The following MCF2L2 variants were observed in gnomAD, a reference collection of about 807,000 sequenced individuals.
MCF2L2 encodes the protein probable guanine nucleotide exchange factor MCF2L2.
In MCF2L2, 102 loss-of-function variants were observed where a neutral mutation model predicts 150.2. The ratio of observed to expected loss-of-function variants is 0.68; its 90% confidence interval spans 0.58 to 0.80. The LOEUF (loss-of-function observed/expected upper bound fraction) is 0.80, where lower values mean the gene tolerates loss of function less well. MCF2L2 is among the 30% of genes least tolerant of loss of function. MCF2L2 has a pLI of 0.00. For missense variants in MCF2L2, 1,256 were observed against 1,372.8 expected (o/e 0.91, Z 1.34); for synonymous variants, 465 against 491.3 (o/e 0.95, Z 0.71).
At chr3:183,387,931 CAAAAAAA>C (rs61024469) in intron 2 of MCF2L2, among the ~76,000 whole-genome samples, 2 of 72,402 alleles carry the variant, frequency 2.8e-5, no homozygotes, top group African/African-American at 6.3e-5. Flanking sequence ...GACTCCATCT[CAAAAAAA>C]AAAAAAAAAA....
chr3:183,402,201 T>C (rs1271694939), intron 1 of MCF2L2, among the ~76,000 whole-genome samples: 35 of 151,794 alleles, frequency 2.3e-4, no homozygotes, highest in Non-Finnish European at 7.4e-5. Flanking sequence ...CCCAGCACTT[T>C]GGGAGGCCGA....
At chr3:183,248,042 T>C (rs2108689694) in intron 15 of MCF2L2, among the ~76,000 whole-genome samples, 1 of 152,378 alleles carries the variant, frequency 6.6e-6, no homozygotes, top group South Asian at 2.1e-4. Flanking sequence ...TTCCCTGCCC[T>C]GTGCCCCTTT....
rs750078863 is a variant in MCF2L2, at chr3:183,206,172, T to C, written c.2755A>G (p.Arg919Gly). The C allele has an allele frequency of 1.1e-5, 18 of 1,614,188 alleles. No individual in the cohort carries two copies. Among genetic ancestry groups the C allele is most frequent in the East Asian group, 2.2e-5 (1 of 44,876 alleles). Residue 919 changes from arginine (R) to glycine (G), a missense_variant, in exon 24 of 30, where the codon AGA becomes GGA. Arg to Gly is a moderately radical substitution (Grantham distance 125). Transcript: ENST00000328913. ...SIRQLGRGSH[R>G]KFEIASRNGL... ...TTTCGACTGGCAATCTCAAACTTTC[T>C]ATGGCTCCCCCTTCCAAGCTGGCGA...
At chr3:183,323,509 C>T (rs547952464) in intron 5 of MCF2L2, among the ~76,000 whole-genome samples, 158 bp from the exon 6 acceptor site, 5 of 151,862 alleles carry the variant, frequency 3.3e-5, no homozygotes, top group Non-Finnish European at 5.9e-5. Flanking sequence ...AAAATGGTTA[C>T]AGCCAAGCAC....
chr3:183,297,005 A>G lies in MCF2L2; in HGVS notation c.1468T>C (p.Phe490Leu). 1 of 1,613,786 alleles carries G rather than the reference A, an allele frequency of 6.2e-7. No homozygotes were observed. Among genetic ancestry groups the G allele is most frequent in the Non-Finnish European group, 8.5e-7 (1 of 1,179,914 alleles). ...LLSPKEFYNE[F>L]ELLLTLDAKA... ...GCATCGAGGGTGAGCAGCAACTCAA[A>G]CTCGTTGTAAAACTCCTTGGGGCTG... The change falls in exon 12 of 30, where the codon TTT (phenylalanine) becomes CTT (leucine). Residue 490 changes from phenylalanine (F) to leucine (L), a missense_variant. By Grantham distance (22) the Phe-to-Leu change is conservative. Coordinates refer to ENST00000328913, the MANE Select transcript of MCF2L2 (RefSeq NM_015078.4).
intron 15 of MCF2L2, chr3:183,273,387 C>G (rs1726953564): frequency 5.3e-6 from 1 of 190,160 alleles, no homozygotes. Flanking sequence ...GAAAAATTAT[C>G]ATGAGATGTG....
chr3:183,194,483 A>G (rs1260152879), intron 26 of MCF2L2, among the ~76,000 whole-genome samples: 1 of 152,220 alleles, frequency 6.6e-6, no homozygotes, highest in Admixed American at 6.5e-5. Context: ...CTCAGCAGCC[A>G]GAGGGGAAGC....
chr3:183,217,845 G>A (rs1334253507), intron 21 of MCF2L2, among the ~76,000 whole-genome samples: 1 of 152,160 alleles, frequency 6.6e-6, no homozygotes, highest in African/African-American at 2.4e-5. Flanking sequence ...ACTAATTAAA[G>A]AGACCAATGT....
chr3:183,411,832 C>T (rs1262873400), intron 1 of MCF2L2, among the ~76,000 whole-genome samples: 1 of 152,160 alleles, frequency 6.6e-6, no homozygotes, highest in Non-Finnish European at 1.5e-5. Context: ...AGTTGTTTAA[C>T]ATTCAAGATC....
At chr3:183,365,942 A>G (rs542106945) in intron 3 of MCF2L2, among the ~76,000 whole-genome samples, 1 of 152,304 alleles carries the variant, frequency 6.6e-6, no homozygotes, top group South Asian at 2.1e-4. Context: ...ATAACGCAAA[A>G]ACATGAATAG....
intron 22 of MCF2L2, 141 bp downstream of exon 22, chr3:183,215,828 C>A (rs1722890223): frequency 2.1e-6 from 2 of 965,896 alleles, no homozygotes; most frequent in Admixed American, 2.9e-5. Flanking sequence ...TGCGGGTTTA[C>A]TGAGCAATTT....
At chr3:183,216,402 C>A (rs1328025194) in intron 21 of MCF2L2, among the ~76,000 whole-genome samples, 1 of 139,278 alleles carries the variant, frequency 7.2e-6, no homozygotes, top group East Asian at 2.1e-4. Context: ...TAGCTGAATT[C>A]TATATGTTTC....
intron 26 of MCF2L2, among the ~76,000 whole-genome samples, chr3:183,193,510 C>G (rs1195888489): frequency 6.6e-6 from 1 of 151,988 alleles, no homozygotes; most frequent in Admixed American, 6.6e-5. Flanking sequence ...GCCACCACAC[C>G]CAGCTAATTT....
chr3:183,226,034 T>G, intron 18 of MCF2L2: 1 of 152,214 alleles, frequency 6.6e-6, no homozygotes, highest in Non-Finnish European at 1.5e-5. Context: ...CAGTGCTCTT[T>G]CCATTTTACC....
rs1333961524 is a variant in MCF2L2 at position 183,330,262 on chromosome 3, AAG to A, written c.487-6913_487-6912del. ...CCTGTCTTGAAAAAAAAAAAAAAAAAAGAAGAAGAAAAAAAGGAAAGGAAAAG... is the reference window on the plus strand; with the variant it reads ...CCTGTCTTGAAAAAAAAAAAAAAAAAAAGAAGAAAAAAAGGAAAGGAAAAG... On this transcript the variant is annotated intron_variant, in intron 5 of 29. Transcript: ENST00000328913. Among the ~76,000 whole-genome samples the A allele has an allele frequency of 2.4e-4, 36 of 150,906 alleles. 1 individual carries two copies. Among genetic ancestry groups the A allele is most frequent in the Middle Eastern group, 3.4e-3 (1 of 290 alleles).
intron 3 of MCF2L2, among the ~76,000 whole-genome samples, chr3:183,354,793 G>A (rs959251742): frequency 6.6e-6 from 1 of 152,146 alleles, no homozygotes; most frequent in Admixed American, 6.5e-5. Flanking sequence ...GTGTCATGGC[G>A]TCGTGGTCCT....
intron 14 of MCF2L2, among the ~76,000 whole-genome samples, chr3:183,286,424 G>A (rs1230235968): frequency 6.6e-6 from 1 of 152,192 alleles, no homozygotes; most frequent in Non-Finnish European, 1.5e-5. Flanking sequence ...ATGCAACCTG[G>A]CCATCTCTCT....
chr3:183,323,751 C>T (rs190914502), intron 5 of MCF2L2, among the ~76,000 whole-genome samples: 16 of 150,922 alleles, frequency 1.1e-4, no homozygotes, highest in Admixed American at 7.3e-4. Context: ...AAACAGTGAT[C>T]GCACCATGGC....
At chr3:183,261,386 G>A (rs1183691509) in intron 15 of MCF2L2, among the ~76,000 whole-genome samples, 2 of 152,098 alleles carry the variant, frequency 1.3e-5, no homozygotes, top group Non-Finnish European at 2.9e-5. Context: ...TGGTACAGAA[G>A]ATTTTATCTT....
Sources: gnomAD v4.1 joint callset for allele counts (sites outside exome capture counted in the v4.1 genomes callset) on GRCh38, gnomAD v4.1.1 for gene constraint, MANE v1.5 for transcripts, NCBI Gene and HGNC (gene_info 2026-07-23, HGNC 2026-07-21) for gene names.